The following THSD7B variants were observed in gnomAD, a reference collection of about 807,000 sequenced individuals.
THSD7B encodes thrombospondin type 1 domain containing 7B.
In THSD7B, 138 loss-of-function variants were observed where a neutral mutation model predicts 213.6. The ratio of observed to expected loss-of-function variants is 0.65; its 90% CI spans 0.56 to 0.74. The LOEUF is 0.74. Among genes scored for constraint, THSD7B ranks in the 30% least tolerant of loss-of-function variants. The pLI, the probability that THSD7B is intolerant of heterozygous loss-of-function variation, is 0.00. For missense variants in THSD7B, 1,931 were observed against 1,991.5 expected, an observed-to-expected ratio of 0.97 and a Z score of 0.58; for synonymous variants, 742 against 687.0, an observed-to-expected ratio of 1.08 and a Z score of -1.25.
chr2:137,196,133 C>G (rs373808980), intron 7 of THSD7B, among the ~76,000 whole-genome samples: 206 of 152,262 alleles, frequency 1.4e-3, no homozygotes, highest in African/African-American at 4.5e-3. Flanking sequence ...CATCACAGAA[C>G]AAGAAATAGT....
At chr2:137,017,363 G>C (rs1313940032) in intron 2 of THSD7B, among the ~76,000 whole-genome samples, 1 of 151,796 alleles carries the variant, frequency 6.6e-6, no homozygotes, top group Non-Finnish European at 1.5e-5. Flanking sequence ...ATTTGGGGAA[G>C]AGATTGGAAA....
At chr2:137,143,777 A>G (rs1185180224) in intron 5 of THSD7B, among the ~76,000 whole-genome samples, 1 of 152,092 alleles carries the variant, frequency 6.6e-6, no homozygotes, top group Non-Finnish European at 1.5e-5. Flanking sequence ...TATTTCTAAT[A>G]AACTGCACTG....
intron 10 of THSD7B, among the ~76,000 whole-genome samples, chr2:137,259,028 T>C (rs1011548314): frequency 2.0e-5 from 3 of 152,218 alleles, no homozygotes; most frequent in Non-Finnish European, 4.4e-5. Context: ...TTCCTTTTTA[T>C]GGCTGCATAG....
intron 17 of THSD7B, among the ~76,000 whole-genome samples, chr2:137,611,433 T>C (rs1455528167): frequency 6.6e-6 from 1 of 152,120 alleles, no homozygotes; most frequent in Non-Finnish European, 1.5e-5. Flanking sequence ...ATCTTGGCTC[T>C]GCCTGTAACT....
chr2:137,524,092 A>T (rs1680235576), intron 15 of THSD7B, among the ~76,000 whole-genome samples: 1 of 152,162 alleles, frequency 6.6e-6, no homozygotes, highest in Non-Finnish European at 1.5e-5. Context: ...CCCAACAATG[A>T]CAACAACAGA....
intron 4 of THSD7B, among the ~76,000 whole-genome samples, chr2:137,114,111 A>G (rs1253058429): frequency 6.6e-6 from 1 of 152,222 alleles, no homozygotes; most frequent in African/African-American, 2.4e-5. Flanking sequence ...TCTTGGTGAC[A>G]TATGATTACT....
intron 3 of THSD7B, among the ~76,000 whole-genome samples, chr2:137,075,622 G>T (rs922066015): frequency 6.6e-6 from 1 of 152,280 alleles, no homozygotes; most frequent in South Asian, 2.1e-4. Context: ...TGTTCTGTTG[G>T]TGGTGAGGAG....
In THSD7B at chr2:137,098,815, G is replaced by A. The variant is rs556679333; in HGVS notation, c.1199+3694G>A. 6.6e-5 allele frequency among the ~76,000 whole-genome samples: 10 copies of A among 152,258 alleles called. 1 individual carries two copies. In the South Asian group the frequency reaches 2.1e-3, roughly 32 times the overall value. On this transcript the variant is annotated intron_variant, in intron 4 of 27. Coordinates refer to ENST00000409968, the MANE Select transcript of THSD7B (RefSeq NM_001316349.2). ...AAGGCATGACTCCATGAAGGGAATT[G>A]TAACTAACAGGAGATCATTCGGGAA...
At chr2:137,021,147 T>A (rs547325328) in intron 2 of THSD7B, among the ~76,000 whole-genome samples, 25 of 152,292 alleles carry the variant, frequency 1.6e-4, no homozygotes, top group African/African-American at 5.5e-4. Context: ...AAAAATTTCC[T>A]GTCTAATGGC....
At chr2:136,970,517 A>G (rs1685388652) in intron 2 of THSD7B, among the ~76,000 whole-genome samples, 1 of 152,166 alleles carries the variant, frequency 6.6e-6, no homozygotes, top group African/African-American at 2.4e-5. Context: ...GAAGAGTATA[A>G]GAAAGTATAC....
At chr2:137,346,094 T>A in intron 12 of THSD7B, among the ~76,000 whole-genome samples, 1 of 151,534 alleles carries the variant, frequency 6.6e-6, no homozygotes, top group East Asian at 1.9e-4. Context: ...ATTTTTCTAG[T>A]GGTAAAAAGC....
chr2:136,959,146 C>T (rs992672381), intron 2 of THSD7B, among the ~76,000 whole-genome samples: 1 of 152,224 alleles, frequency 6.6e-6, no homozygotes, highest in South Asian at 2.1e-4. Context: ...GGATCATGAA[C>T]ATATCCTCAG....
intron 4 of THSD7B, among the ~76,000 whole-genome samples, chr2:137,110,524 C>T (rs1228792505): frequency 6.6e-6 from 1 of 152,156 alleles, no homozygotes; most frequent in Non-Finnish European, 1.5e-5. Flanking sequence ...TGACAATGTG[C>T]TCTCTCACTC....
intron 2 of THSD7B, among the ~76,000 whole-genome samples, chr2:136,964,407 A>G (rs2105088874): frequency 6.6e-6 from 1 of 152,216 alleles, no homozygotes; most frequent in Admixed American, 6.5e-5. Context: ...CCTGGACAAC[A>G]CAGTGAGACC....
intron 2 of THSD7B, among the ~76,000 whole-genome samples, chr2:136,913,666 G>A (rs913185896): frequency 2.0e-5 from 3 of 152,218 alleles, no homozygotes; most frequent in African/African-American, 7.2e-5. Context: ...CTTGGGCTGG[G>A]GCTTCAGAGG....
intron 27 of THSD7B, among the ~76,000 whole-genome samples, chr2:137,669,364 T>C (rs947519065): frequency 2.0e-5 from 3 of 151,978 alleles, no homozygotes; most frequent in Non-Finnish European, 4.4e-5. Flanking sequence ...GAAATTAGAT[T>C]TCTATCCAAC....
chr2:137,556,190 A>C (rs2105213750), intron 15 of THSD7B, among the ~76,000 whole-genome samples: 1 of 152,306 alleles, frequency 6.6e-6, no homozygotes, highest in Middle Eastern at 3.4e-3. Flanking sequence ...AAATACAGAG[A>C]ATGCCACAAA....
chr2:137,280,743 A>G (rs557777853), intron 12 of THSD7B, among the ~76,000 whole-genome samples: 2 of 152,242 alleles, frequency 1.3e-5, no homozygotes, highest in South Asian at 2.1e-4. Flanking sequence ...AAATAAAAGT[A>G]TAAGAGGAAG....
chr2:137,027,452 G>T (rs751618787), intron 2 of THSD7B, among the ~76,000 whole-genome samples: 2 of 152,100 alleles, frequency 1.3e-5, no homozygotes, highest in African/African-American at 2.4e-5. Flanking sequence ...TGAAACCTTT[G>T]CCCAGAAGGA....
Sources: gnomAD v4.1 joint callset for allele counts (sites outside exome capture counted in the v4.1 genomes callset) on GRCh38, gnomAD v4.1.1 for gene constraint, MANE v1.5 for transcripts, NCBI Gene and HGNC (gene_info 2026-07-23, HGNC 2026-07-21) for gene names.